CCDC9: variants seen among roughly 807,000 people sequenced by gnomAD.
The protein encoded by CCDC9 is coiled-coil domain containing 9, also known as coiled-coil domain-containing protein 9.
CCDC9 carries 52 observed loss-of-function variants against 65.6 expected under a neutral mutation model. The observed-to-expected ratio is 0.79, with a 90% CI of 0.63 to 1.00. The LOEUF is 1.00. Among genes scored for constraint, CCDC9 ranks in the 50% least tolerant of loss-of-function variants. The pLI is 0.00. For synonymous variants in CCDC9, 332 were observed against 280.3 expected, an observed-to-expected ratio of 1.18 and a Z score of -1.84; for missense variants, 834 against 757.2, an observed-to-expected ratio of 1.10 and a Z score of -1.19.
Position 47,260,709 on chromosome 19 carries a change from G to C in CCDC9, c.332G>C (p.Ser111Thr). 1 of 1,580,608 alleles carries C rather than the reference G, an allele frequency of 6.3e-7. No homozygotes were observed. The highest frequency in any genetic ancestry group is 8.6e-7 in the Non-Finnish European group (1 of 1,167,128). Residue 111 changes from serine to threonine, a missense_variant, in exon 5 of 12, where the codon AGC becomes ACC. Coordinates refer to ENST00000221922, the MANE Select transcript of CCDC9 (RefSeq NM_015603.3). ...GRAGMGRASR[S>T]WEGSPGEQPR... ...GCCGGCATGGGCCGAGCATCGCGCA[G>C]CTGGGAGGGCAGCCCCGGGGAGCAG...
At chr19:47,261,086 C>G (rs947188851) in intron 5 of CCDC9, among the ~76,000 whole-genome samples, 4 of 152,040 alleles carry the variant, frequency 2.6e-5, no homozygotes, top group Admixed American at 2.6e-4. Context: ...GTCTCTTTCT[C>G]TCCTACTCCT....
intron 1 of CCDC9, chr19:47,257,981 C>T (rs2059021920): frequency 4.7e-6 from 1 of 212,080 alleles, no homozygotes; most frequent in Non-Finnish European, 9.6e-6. Context: ...ATAGGGAACC[C>T]GGGCTAACAC....
downstream of CCDC9, chr19:47,275,405 C>G: frequency 6.6e-7 from 1 of 1,506,706 alleles, no homozygotes; most frequent in Admixed American, 2.2e-5. Context: ...TGCTCCACGC[C>G]GAGGATGCAC....
At chr19:47,268,102 C>T (rs1050522811) in intron 8 of CCDC9, among the ~76,000 whole-genome samples, 4 of 152,162 alleles carry the variant, frequency 2.6e-5, no homozygotes, top group African/African-American at 9.7e-5. Flanking sequence ...CCACCTCAGC[C>T]TCCCAAAGTG....
rs377072160 is a variant in CCDC9 at position 47,264,863 on chromosome 19, C to A, written c.637C>A (p.Arg213=). ...CCTGGAGGAGTCTGAGCGGGACCGC[C>A]GGGAGGAGAGCCGCCGGCACGGCCG... ...GPLEESERDR[R]EESRRHGRNW... Residue 213 remains arginine (R), a synonymous_variant, in exon 7 of 12, where the codon CGG becomes AGG. Coordinates refer to ENST00000221922, the MANE Select transcript of CCDC9 (RefSeq NM_015603.3). 6.7e-7 allele frequency: 1 copy of A among 1,497,756 alleles called. No individual in the cohort carries two copies. Among genetic ancestry groups the A allele is most frequent in the South Asian group, 1.3e-5 (1 of 74,162 alleles). The allele number at this position is 1,497,756 out of a possible 1,614,324, so 92.8% of individuals were successfully genotyped here.
intron 5 of CCDC9, among the ~76,000 whole-genome samples, chr19:47,263,223 G>A (rs1389328177): frequency 6.6e-6 from 1 of 152,154 alleles, no homozygotes; most frequent in Non-Finnish European, 1.5e-5. Flanking sequence ...CCACCACTAT[G>A]ATTGCGGCAA....
At chr19:47,268,613 G>C (rs2059096999) in intron 8 of CCDC9, among the ~76,000 whole-genome samples, 1 of 152,096 alleles carries the variant, frequency 6.6e-6, no homozygotes, top group South Asian at 2.1e-4. Flanking sequence ...TTTGCAACAA[G>C]TCTGATGAAT....
chr19:47,257,364 C>T (rs550657271), intron 1 of CCDC9, among the ~76,000 whole-genome samples: 16 of 117,590 alleles, frequency 1.4e-4, no homozygotes, highest in African/African-American at 5.4e-4. Flanking sequence ...AGCCAGGAGG[C>T]GGGGAAAGAG....
downstream of CCDC9, chr19:47,274,836 CGGGGCGGTCTGCGGGGTG>C (rs2059146165): frequency 1.1e-6 from 1 of 875,576 alleles, no homozygotes; most frequent in African/African-American, 5.7e-5. Flanking sequence ...GTTTAGAGAG[CGGGGCGGTCTGCGGGGTG>C]GGGGCGGGGC....
downstream of CCDC9, among the ~76,000 whole-genome samples, chr19:47,272,670 C>T (rs2059131237): frequency 6.6e-6 from 1 of 152,110 alleles, no homozygotes; most frequent in African/African-American, 2.4e-5. Context: ...TATAGGCAGA[C>T]TACGAAATTT....
At chr19:47,268,014 A>G (rs923613764) in intron 8 of CCDC9, among the ~76,000 whole-genome samples, 2 of 151,922 alleles carry the variant, frequency 1.3e-5, no homozygotes, top group African/African-American at 2.4e-5. Context: ...CATCCAGCTA[A>G]TTTTTTGTAA....
intron 5 of CCDC9, among the ~76,000 whole-genome samples, chr19:47,262,919 CTA>C (rs2059055336): frequency 6.6e-6 from 1 of 151,912 alleles, no homozygotes; most frequent in South Asian, 2.1e-4. Flanking sequence ...GACCCCATCT[CTA>C]TAAAAATTTT....
downstream of CCDC9, chr19:47,273,223 C>G (rs984112547): frequency 2.0e-5 from 9 of 448,942 alleles, no homozygotes; most frequent in Non-Finnish European, 2.2e-5. Flanking sequence ...CCCCGTAAAC[C>G]GCTTAGCGCC....
intron 8 of CCDC9, 113 bp downstream of exon 8, chr19:47,266,905 A>G: frequency 1.6e-6 from 2 of 1,266,604 alleles, no homozygotes; most frequent in Non-Finnish European, 1.1e-6. Flanking sequence ...GTGACTGCCA[A>G]GTATCCTGAG....
chr19:47,256,960 TG>T (rs1331541126), intron 1 of CCDC9, among the ~76,000 whole-genome samples: 2 of 133,416 alleles, frequency 1.5e-5, no homozygotes, highest in Admixed American at 8.1e-5. Flanking sequence ...TTACTGGAAG[TG>T]GGTCCAGATT....
At chr19:47,260,228 C>A in intron 3 of CCDC9, 93 bp from the exon 4 acceptor site, 1 of 877,294 alleles carries the variant, frequency 1.1e-6, no homozygotes. Context: ...GAGGCCTGGG[C>A]TGGGGCCAGA....
chr19:47,268,899 CAG>C (rs780766397), intron 8 of CCDC9, among the ~76,000 whole-genome samples: 3 of 149,532 alleles, frequency 2.0e-5, no homozygotes, highest in Non-Finnish European at 3.0e-5. Context: ...GCCTGGGCGA[CAG>C]AGAGAGACTC....
At chr19:47,265,150 T>C (rs2059073176) in intron 7 of CCDC9, among the ~76,000 whole-genome samples, 1 of 152,062 alleles carries the variant, frequency 6.6e-6, no homozygotes, top group Admixed American at 6.6e-5. Context: ...CTTTGCCTCC[T>C]GGGCTCAAGC....
In CCDC9 at chr19:47,259,872, C is replaced by G. The variant is rs1039735212; in HGVS notation, c.109-449C>G. 2.6e-5 allele frequency among the ~76,000 whole-genome samples: 4 copies of G among 152,256 alleles called. 1 individual carries two copies. In the East Asian group the frequency reaches 7.7e-4, roughly 29 times the overall value. On this transcript the variant is annotated intron_variant, in intron 3 of 11. Transcript: ENST00000221922. ...CAGGGGAGCTGGTTTCCACAGGGTG[C>G]TCAGGGAAGGCCTCACGAGAAGGCA...
Sources: allele counts gnomAD v4.1 joint callset (sites outside exome capture counted in the v4.1 genomes callset), GRCh38; gene constraint gnomAD v4.1.1; transcripts MANE v1.5; gene names NCBI Gene and HGNC (gene_info 2026-07-23, HGNC 2026-07-21).